The following RNASEH2B variants were observed in gnomAD, a reference collection of about 807,000 sequenced individuals.
RNASEH2B encodes the protein ribonuclease H2 subunit B.
A neutral mutation model predicts 45.0 loss-of-function variants in RNASEH2B; 36 were observed. That is an observed-to-expected ratio of 0.80 (90% CI 0.61 to 1.06). The LOEUF (loss-of-function observed/expected upper bound fraction) is 1.06, where lower values mean the gene tolerates loss of function less well. RNASEH2B is among the 50% of genes least tolerant of loss of function. The pLI is 0.00. For synonymous variants in RNASEH2B, 119 were observed against 125.7 expected (o/e 0.95, Z 0.35); for missense variants, 361 against 360.3 (o/e 1.00, Z -0.02).
At position 50,934,961 on chromosome 13, in the gene RNASEH2B, G is replaced by T; in HGVS notation, c.398G>T (p.Gly133Val). Residue 133 changes from glycine (G) to valine (V), a missense_variant, in exon 5 of 11, where the codon GGA becomes GTA. By Grantham distance (109) the Gly-to-Val change is moderately radical (BLOSUM62 -3). Coordinates refer to ENST00000336617, the MANE Select transcript of RNASEH2B (RefSeq NM_024570.4). The stretch of plus-strand genomic sequence containing the variant: ...TGCATCTTGTTGCTGAAACTTCCTG[G>T]ACTTGAGAAGTTACTTCATCATGTG... The part of the protein sequence containing the change: ...PNCILLLKLP[G>V]LEKLLHHVTE... The T allele has an allele frequency of 6.2e-7, 1 of 1,613,658 alleles. No homozygotes were observed. Among genetic ancestry groups the T allele is most frequent in the South Asian group, 1.1e-5 (1 of 91,060 alleles).
At chr13:50,970,456 T>G (rs1015664609) in exon 10 of RNASEH2B, 9 of 191,644 alleles carry the variant, frequency 4.7e-5, no homozygotes, top group Admixed American at 1.9e-4. Flanking sequence ...TCTTCCTTTT[T>G]AGAAGATTTG....
At chr13:50,953,198 T>C (rs528296620) in intron 9 of RNASEH2B, 2 of 152,444 alleles carry the variant, frequency 1.3e-5, no homozygotes, top group Admixed American at 1.3e-4. Flanking sequence ...ATTTCTTCTA[T>C]ATTGTGATCA....
rs1232496614 is a variant in RNASEH2B, at chr13:50,949,397, C to A, written c.699-66C>A. ...TAGGACTTACTAAGTCTTAAGTTGG[C>A]CCTGTCTTTCTGTTTGTTTGTCTAT... On this transcript the variant is annotated intron_variant, in intron 8 of 10. Transcript: ENST00000336617. 3.5e-6 allele frequency: 5 copies of A among 1,446,760 alleles called. No individual in the cohort carries two copies. In the South Asian group the frequency reaches 4.6e-5, roughly 13 times the overall value. 89.6% of individuals were successfully genotyped at this position (1,446,760 alleles called of 1,614,324 possible).
intron 5 of RNASEH2B, chr13:50,941,204 T>C (rs1951829018): frequency 6.6e-6 from 1 of 152,206 alleles, no homozygotes; most frequent in Non-Finnish European, 1.5e-5. Flanking sequence ...TGGCAGGTGT[T>C]GTGCTCTAGG....
exon 10 of RNASEH2B, chr13:50,970,119 T>G: frequency 1.4e-6 from 1 of 730,878 alleles, no homozygotes. Flanking sequence ...TTTCTTTGAT[T>G]AGTACCACTA....
chr13:50,948,345 T>A, intron 8 of RNASEH2B: 1 of 335,500 alleles, frequency 3.0e-6, no homozygotes, highest in Non-Finnish European at 5.3e-6. Context: ...TATCCTCAAT[T>A]ATACTTAACT....
At position 50,909,985 on chromosome 13, in the gene RNASEH2B, C is replaced by A. The variant is rs1879243007; in HGVS notation, c.-92C>A. The A allele has an allele frequency of 8.4e-7, 1 of 1,184,504 alleles. No individual in the cohort carries two copies. The highest frequency in any genetic ancestry group is 1.5e-5 in the South Asian group (1 of 68,248). The allele number at this position is 1,184,504 out of a possible 1,614,324, so 73.4% of individuals were successfully genotyped here. On this transcript the variant is annotated 5_prime_UTR_variant, in exon 1 of 11. Transcript: ENST00000336617. ...CGGTCCCTCAGCGCGCCGCGCCACC[C>A]GGAACAGACCCTTCTCCCGCCATTT...
chr13:50,927,919 G>A (rs1424082893), intron 2 of RNASEH2B, among the ~76,000 whole-genome samples: 4 of 150,890 alleles, frequency 2.7e-5, no homozygotes, highest in African/African-American at 9.7e-5. Context: ...ATTTTGATTA[G>A]GTTCAGTTTT....
chr13:50,928,180 T>G (rs1192594485), intron 2 of RNASEH2B, among the ~76,000 whole-genome samples: 1 of 152,236 alleles, frequency 6.6e-6, no homozygotes, highest in Non-Finnish European at 1.5e-5. Context: ...TAATTGTTTT[T>G]CCATTAATTT....
intron 5 of RNASEH2B, chr13:50,938,573 G>A (rs2137965484): frequency 6.6e-6 from 1 of 152,282 alleles, no homozygotes; most frequent in East Asian, 1.9e-4. Context: ...GGATGGCTTT[G>A]GGGTGAAACT....
At chr13:50,929,990 A>G in intron 3 of RNASEH2B, 1 of 268,540 alleles carries the variant, frequency 3.7e-6, no homozygotes, top group Non-Finnish European at 7.3e-6. Flanking sequence ...AAGTTTCTTT[A>G]AAATGCTTTG....
intron 9 of RNASEH2B, among the ~76,000 whole-genome samples, chr13:50,962,493 A>C (rs1246032075): frequency 1.3e-5 from 2 of 152,162 alleles, no homozygotes; most frequent in African/African-American, 4.8e-5. Context: ...TTATTGGCAT[A>C]AGTTGTTCAT....
At chr13:50,921,482 A>T (rs974376414) in intron 1 of RNASEH2B, among the ~76,000 whole-genome samples, 3 of 152,220 alleles carry the variant, frequency 2.0e-5, no homozygotes, top group Non-Finnish European at 4.4e-5. Context: ...AGTTAGAAAA[A>T]GGGTGGAGCC....
At chr13:50,924,978 C>A (rs1490258524) in intron 1 of RNASEH2B, among the ~76,000 whole-genome samples, 1 of 151,836 alleles carries the variant, frequency 6.6e-6, no homozygotes, top group Non-Finnish European at 1.5e-5. Context: ...TTCAGACTTA[C>A]TTTCTTCAAG....
intron 1 of RNASEH2B, chr13:50,911,839 T>A (rs1879418391): frequency 6.6e-6 from 1 of 152,228 alleles, no homozygotes; most frequent in Non-Finnish European, 1.5e-5. Flanking sequence ...TTATTGTTAT[T>A]TCAGATATAC....
intron 8 of RNASEH2B, 156 bp downstream of exon 8, chr13:50,948,224 T>C: frequency 8.4e-7 from 1 of 1,196,952 alleles, no homozygotes; most frequent in Non-Finnish European, 1.1e-6. Context: ...TGATTTTTAA[T>C]GGATGATTGG....
At chr13:50,968,117 G>A (rs1952183316) in intron 9 of RNASEH2B, among the ~76,000 whole-genome samples, 1 of 152,106 alleles carries the variant, frequency 6.6e-6, no homozygotes, top group Non-Finnish European at 1.5e-5. Flanking sequence ...TCACTTATCA[G>A]TATTTAAATT....
chr13:50,951,808 T>A (rs1593478328), intron 9 of RNASEH2B: 1 of 152,198 alleles, frequency 6.6e-6, no homozygotes, highest in African/African-American at 2.4e-5. Context: ...GGGAATAACA[T>A]ACAAACTAGT....
In RNASEH2B at chr13:50,956,620, T is replaced by C. The variant is rs780358371; in HGVS notation, c.*146T>C. On this transcript the variant is annotated 3_prime_UTR_variant, in exon 11 of 11. Coordinates refer to ENST00000336617, the MANE Select transcript of RNASEH2B (RefSeq NM_024570.4). ...AACATTTCTTTGCATTTGGTTTTTG[T>C]GTTCCTGAACAAAATATGGGAAAGT... 3.2e-5 allele frequency: 47 copies of C among 1,458,672 alleles called. 1 individual carries two copies. Among genetic ancestry groups the C allele is most frequent in the South Asian group, 9.1e-5 (7 of 76,618 alleles). The allele number at this position is 1,458,672 out of a possible 1,614,324, so 90.4% of individuals were successfully genotyped here.
Sources: allele counts gnomAD v4.1 joint callset (sites outside exome capture counted in the v4.1 genomes callset), GRCh38; gene constraint gnomAD v4.1.1; transcripts MANE v1.5; gene names NCBI Gene and HGNC (gene_info 2026-07-23, HGNC 2026-07-21).